The following TANC1 variants were observed in gnomAD, a reference collection of about 807,000 sequenced individuals.
TANC1 encodes the protein tetratricopeptide repeat, ankyrin repeat and coiled-coil containing 1.
TANC1 carries 77 observed loss-of-function variants against 149.7 expected under a neutral mutation model. The ratio of observed to expected loss-of-function variants is 0.51; its 90% CI spans 0.43 to 0.62. The LOEUF (loss-of-function observed/expected upper bound fraction) is 0.62, where lower values mean the gene tolerates loss of function less well. TANC1 is among the 20% of genes least tolerant of loss of function. The probability of loss-of-function intolerance (pLI) is 0.00; values close to 1 mark genes in which losing one functional copy is unlikely to be tolerated. For synonymous variants in TANC1, 854 were observed against 925.0 expected (o/e 0.92, Z 1.39); for missense variants, 1,985 against 2,321.8 (o/e 0.85, Z 2.98).
rs201392756 is a variant in TANC1, at chr2:159,149,282, G to A, written c.495+10G>A. On this transcript the variant is annotated intron_variant, in intron 6 of 26. Transcript: ENST00000263635. ...CAAAAATGAAACCATGGTAATGCCC[G>A]AGGAAGACACTACATTGCATACCTC... 49 of 1,614,004 alleles carry A rather than the reference G, an allele frequency of 3.0e-5. 1 individual carries two copies. The East Asian group carries it at 7.8e-4, about 26-fold the overall frequency.
In TANC1 at chr2:159,163,479, A is replaced by G. The variant is rs2054259278; in HGVS notation, c.879A>G (p.Gly293=). 6.2e-7 allele frequency: 1 copy of G among 1,613,776 alleles called. No individual in the cohort carries two copies. The highest frequency in any genetic ancestry group is 8.5e-7 in the Non-Finnish European group (1 of 1,179,994). Residue 293 remains glycine, a synonymous_variant, in exon 8 of 27, where the codon GGA becomes GGG. Coordinates refer to ENST00000263635, the MANE Select transcript of TANC1 (RefSeq NM_033394.3). ...TGCCCAAAGCAGAATCCTCAGCTGG[A>G]GATGGTCCAGTCCCTTATTCTCAGG... ...STLPKAESSA[G]DGPVPYSQGS...
intron 6 of TANC1, 43 bp downstream of exon 6, chr2:159,149,315 G>A: frequency 6.2e-7 from 1 of 1,613,342 alleles, no homozygotes; most frequent in Non-Finnish European, 8.5e-7. Flanking sequence ...CTCTTCAGAG[G>A]ATGAACGAAG....
intron 22 of TANC1, among the ~76,000 whole-genome samples, chr2:159,220,749 C>T (rs2059656055): frequency 6.6e-6 from 1 of 151,790 alleles, no homozygotes; most frequent in African/African-American, 2.4e-5. Flanking sequence ...CACCACCGTA[C>T]CTGGCTAATT....
At chr2:159,218,212 A>G (rs1193280929) in intron 20 of TANC1, among the ~76,000 whole-genome samples, 2 of 152,194 alleles carry the variant, frequency 1.3e-5, no homozygotes, top group East Asian at 3.8e-4. Context: ...TTACACATAC[A>G]CTATGGATGC....
chr2:159,113,275 T>C (rs1420170528), intron 4 of TANC1, among the ~76,000 whole-genome samples: 1 of 152,168 alleles, frequency 6.6e-6, no homozygotes, highest in Non-Finnish European at 1.5e-5. Context: ...CATTAGATGA[T>C]TTTAGTATAT....
At chr2:159,160,555 A>G (rs2053945928) in intron 7 of TANC1, among the ~76,000 whole-genome samples, 1 of 152,178 alleles carries the variant, frequency 6.6e-6, no homozygotes, top group South Asian at 2.1e-4. Context: ...TTATGCAGGG[A>G]AGCCAGACTG....
At chr2:159,056,191 A>G (rs34834895) in intron 2 of TANC1, 60,284 of 235,954 alleles carry the variant, frequency 0.26, 9,748 homozygotes, top group Non-Finnish European at 0.37. Context: ...GAAAATCCAC[A>G]AAGGTGAGCT....
intron 3 of TANC1, among the ~76,000 whole-genome samples, chr2:159,094,121 T>G (rs145820952): frequency 5.9e-5 from 9 of 152,326 alleles, no homozygotes; most frequent in African/African-American, 1.9e-4. Context: ...TTTTTATTTG[T>G]TTTTGTATAG....
chr2:159,174,179 A>G (rs570767783), intron 11 of TANC1, among the ~76,000 whole-genome samples: 1 of 152,048 alleles, frequency 6.6e-6, no homozygotes, highest in South Asian at 2.1e-4. Context: ...TTTTTCTTCT[A>G]TCTATAGCAC....
intron 3 of TANC1, among the ~76,000 whole-genome samples, chr2:159,095,739 A>T (rs1378732005): frequency 6.7e-6 from 1 of 150,350 alleles, no homozygotes; most frequent in Non-Finnish European, 1.5e-5. Context: ...GTCTCAAAAA[A>T]AAAAAAAAAA....
At chr2:159,223,269 C>G (rs2059813586) in intron 22 of TANC1, among the ~76,000 whole-genome samples, 1 of 152,132 alleles carries the variant, frequency 6.6e-6, no homozygotes, top group African/African-American at 2.4e-5. Flanking sequence ...AAGCCATGGC[C>G]CTGCATGTCT....
At chr2:159,225,352 G>T (rs557639647) in intron 23 of TANC1, 2 of 386,846 alleles carry the variant, frequency 5.2e-6, no homozygotes, top group Non-Finnish European at 9.7e-6. Flanking sequence ...TGCCTGCACG[G>T]TGGCCGCTGC....
chr2:159,133,392 T>A (rs1279302934), intron 4 of TANC1, among the ~76,000 whole-genome samples: 1 of 151,266 alleles, frequency 6.6e-6, no homozygotes, highest in Non-Finnish European at 1.5e-5. Flanking sequence ...TCTTGCTCTG[T>A]CACCTTGGCT....
At chr2:159,024,700 A>T (rs1013046833) in intron 2 of TANC1, among the ~76,000 whole-genome samples, 1 of 151,978 alleles carries the variant, frequency 6.6e-6, no homozygotes, top group Non-Finnish European at 1.5e-5. Context: ...GTAGTGATCC[A>T]AGATTGCACC....
intron 5 of TANC1, among the ~76,000 whole-genome samples, chr2:159,136,575 G>A (rs2050770053): frequency 1.3e-5 from 2 of 152,140 alleles, no homozygotes; most frequent in African/African-American, 4.8e-5. Context: ...TTGGAGGATA[G>A]GAAGCGTCAC....
chr2:159,092,747 C>T (rs1283482056), intron 3 of TANC1, among the ~76,000 whole-genome samples: 2 of 152,172 alleles, frequency 1.3e-5, no homozygotes, highest in African/African-American at 4.8e-5. Context: ...GTATGAGTGA[C>T]AGAGGCTATA....
chr2:159,078,994 A>G (rs1326099880), intron 3 of TANC1, among the ~76,000 whole-genome samples: 1 of 152,048 alleles, frequency 6.6e-6, no homozygotes, highest in Non-Finnish European at 1.5e-5. Context: ...AACCTATGGT[A>G]TACCTGCTTT....
At chr2:159,217,726 G>A in intron 20 of TANC1, 96 bp downstream of exon 20, 1 of 1,471,030 alleles carries the variant, frequency 6.8e-7, no homozygotes, top group Non-Finnish European at 9.3e-7. Flanking sequence ...GCTCCCCTGA[G>A]CCTGTCTGTT....
intron 4 of TANC1, among the ~76,000 whole-genome samples, chr2:159,108,204 A>G (rs752413749): frequency 3.5e-4 from 53 of 152,366 alleles, no homozygotes; most frequent in Non-Finnish European, 1.5e-4. Flanking sequence ...CTTTAGGTCC[A>G]GCCTCCCTCT....
Sources: allele counts gnomAD v4.1 joint callset (sites outside exome capture counted in the v4.1 genomes callset), GRCh38; gene constraint gnomAD v4.1.1; transcripts MANE v1.5; gene names NCBI Gene and HGNC (gene_info 2026-07-23, HGNC 2026-07-21).